CRACD: variants seen among roughly 807,000 people sequenced by gnomAD.
CRACD encodes capping protein inhibiting regulator of actin dynamics.
A neutral mutation model predicts 106.8 loss-of-function variants in CRACD; 56 were observed. The observed-to-expected ratio is 0.52, with a 90% CI of 0.42 to 0.66. CRACD has a LOEUF of 0.66. Ranked by LOEUF, CRACD falls within the 30% of genes least tolerant of loss-of-function variation. CRACD has a pLI of 0.00. For synonymous variants in CRACD, 754 were observed against 670.8 expected (o/e 1.12, Z -1.92); for missense variants, 1,730 against 1,623.2 (o/e 1.07, Z -1.13).
At chr4:56,323,821 A>G (rs1456716007) in intron 9 of CRACD, among the ~76,000 whole-genome samples, 1 of 152,252 alleles carries the variant, frequency 6.6e-6, no homozygotes, top group Non-Finnish European at 1.5e-5. Context: ...TACAAGTTAC[A>G]TGAGAAACAC....
At chr4:56,193,638 T>C (rs1737476109) in intron 2 of CRACD, among the ~76,000 whole-genome samples, 1 of 152,206 alleles carries the variant, frequency 6.6e-6, no homozygotes, top group Non-Finnish European at 1.5e-5. Flanking sequence ...TGATATTAAG[T>C]TATGAGAATC....
At chr4:56,305,300 AC>A (rs1277785706) in intron 4 of CRACD, among the ~76,000 whole-genome samples, 1 of 152,172 alleles carries the variant, frequency 6.6e-6, no homozygotes, top group Non-Finnish European at 1.5e-5. Flanking sequence ...AGACCCTCCC[AC>A]CAGGACATGT....
chr4:56,298,074 G>C, intron 3 of CRACD, 140 bp from the exon 4 acceptor site: 1 of 896,982 alleles, frequency 1.1e-6, no homozygotes, highest in Non-Finnish European at 1.7e-6. Context: ...ACCCCCAGCA[G>C]ACAGGGACAC....
intron 3 of CRACD, among the ~76,000 whole-genome samples, chr4:56,289,151 A>G (rs549784888): frequency 1.7e-4 from 26 of 152,326 alleles, no homozygotes; most frequent in Middle Eastern, 3.4e-3. Context: ...TTGCATGGAT[A>G]TGAAGTTTAG....
intron 1 of CRACD, among the ~76,000 whole-genome samples, chr4:56,125,060 G>C (rs552572613): frequency 6.6e-6 from 1 of 152,096 alleles, no homozygotes; most frequent in African/African-American, 2.4e-5. Context: ...AATATCCAAC[G>C]TTATGTTCAT....
chr4:56,303,731 C>A (rs1304875521), intron 4 of CRACD, among the ~76,000 whole-genome samples: 1 of 152,214 alleles, frequency 6.6e-6, no homozygotes, highest in East Asian at 1.9e-4. Context: ...TGGCCTTGGC[C>A]TTGGGTACCT....
In CRACD at chr4:56,316,100, G is replaced by T; in HGVS notation, c.2598G>T (p.Gln866His). ...TCAACTGCGACCAACAGGCAGAACA[G>T]AAGAAGAAGAAGAGGCACAGCAGCA... ...LRFNCDQQAE[Q>H]KKKKRHSSTG... is the part of the protein sequence containing the mutation. Residue 866 changes from glutamine to histidine, a missense_variant, in exon 8 of 11, where the codon CAG (glutamine) becomes CAT (histidine). Transcript: ENST00000682029. 1 of 1,611,890 alleles carries T rather than the reference G, an allele frequency of 6.2e-7. No homozygotes were observed. Among genetic ancestry groups the T allele is most frequent in the South Asian group, 1.1e-5 (1 of 91,000 alleles).
intron 2 of CRACD, among the ~76,000 whole-genome samples, chr4:56,228,531 A>C (rs1739435276): frequency 6.7e-6 from 1 of 148,410 alleles, no homozygotes; most frequent in Non-Finnish European, 1.5e-5. Context: ...GCACTTTGGG[A>C]GGCCAAGGTG....
chr4:56,070,082 G>T (rs1187991031), intron 1 of CRACD, among the ~76,000 whole-genome samples: 1 of 152,174 alleles, frequency 6.6e-6, no homozygotes, highest in Non-Finnish European at 1.5e-5. Flanking sequence ...CAAAAAGAAA[G>T]AAAAATCGAG....
At chr4:56,318,079 G>C (rs1435041784) in intron 8 of CRACD, among the ~76,000 whole-genome samples, 3 of 152,120 alleles carry the variant, frequency 2.0e-5, no homozygotes, top group Admixed American at 6.6e-5. Context: ...TTTTTGCAGA[G>C]GAATGATTTG....
intron 1 of CRACD, among the ~76,000 whole-genome samples, chr4:56,175,792 A>G (rs546831953): frequency 6.6e-6 from 1 of 152,278 alleles, no homozygotes; most frequent in East Asian, 1.9e-4. Flanking sequence ...GCTCAATGTA[A>G]TCCCAATTGT....
intron 2 of CRACD, among the ~76,000 whole-genome samples, chr4:56,238,108 A>T (rs1370400951): frequency 6.6e-6 from 1 of 152,226 alleles, no homozygotes; most frequent in African/African-American, 2.4e-5. Flanking sequence ...TACTTAAAAC[A>T]ACAACCACAT....
chr4:56,157,965 A>G (rs1333176559), intron 1 of CRACD, among the ~76,000 whole-genome samples: 1 of 152,178 alleles, frequency 6.6e-6, no homozygotes. Flanking sequence ...ACTCTCATTT[A>G]AAATATTTTC....
intron 8 of CRACD, among the ~76,000 whole-genome samples, chr4:56,317,881 G>A (rs950500185): frequency 1.3e-5 from 2 of 152,022 alleles, no homozygotes; most frequent in Admixed American, 1.3e-4. Flanking sequence ...AAAGCTGTCA[G>A]TTGGATTAGC....
chr4:56,223,785 G>C (rs998257187), intron 2 of CRACD, among the ~76,000 whole-genome samples: 4 of 151,944 alleles, frequency 2.6e-5, no homozygotes, highest in African/African-American at 7.3e-5. Context: ...TTTTAGACAG[G>C]GTCTCACTCT....
At chr4:56,199,824 C>T (rs1737800176) in intron 2 of CRACD, among the ~76,000 whole-genome samples, 1 of 151,986 alleles carries the variant, frequency 6.6e-6, no homozygotes, top group Admixed American at 6.6e-5. Flanking sequence ...AAGACATTTT[C>T]TCTTCTTTGA....
chr4:56,316,460 A>G lies in CRACD; in HGVS notation c.2958A>G (p.Val986=), dbSNP rs1745660243. The G allele has an allele frequency of 6.2e-7, 1 of 1,614,074 alleles. No homozygotes were observed. The highest frequency in any genetic ancestry group is 1.3e-5 in the African/African-American group (1 of 75,064). Residue 986 remains valine (V), a synonymous_variant, in exon 8 of 11, where the codon GTA becomes GTG. Transcript: ENST00000682029. ...PLSKLSRPYL[V]ELLSRRAGRP... is the part of the protein sequence containing the mutation. ...CCAAACTGAGCAGGCCCTACTTGGT[A>G]GAGCTGCTGTCTCGCCGAGCGGGGA...
chr4:56,174,517 C>CA (rs1481720204), intron 1 of CRACD, among the ~76,000 whole-genome samples: 1 of 152,186 alleles, frequency 6.6e-6, no homozygotes, highest in Non-Finnish European at 1.5e-5. Flanking sequence ...TTAAATCCCA[C>CA]ATGTAAGTGA....
At chr4:56,203,713 T>A (rs530347987) in intron 2 of CRACD, among the ~76,000 whole-genome samples, 1 of 152,332 alleles carries the variant, frequency 6.6e-6, no homozygotes, top group Non-Finnish European at 1.5e-5. Context: ...ACTAAGAACT[T>A]AATGAAAGCA....
Sources: allele counts gnomAD v4.1 joint callset (sites outside exome capture counted in the v4.1 genomes callset), GRCh38; gene constraint gnomAD v4.1.1; transcripts MANE v1.5; gene names NCBI Gene and HGNC (gene_info 2026-07-23, HGNC 2026-07-21).